The following PDLIM5 variants were observed in gnomAD, a reference collection of about 807,000 sequenced individuals.
PDLIM5 encodes PDZ and LIM domain 5.
PDLIM5 carries 34 observed loss-of-function variants against 64.2 expected under a neutral mutation model. The ratio of observed to expected loss-of-function variants is 0.53; its 90% CI spans 0.40 to 0.71. The LOEUF is 0.71. Among genes scored for constraint, PDLIM5 ranks in the 30% least tolerant of loss-of-function variants. The pLI is 0.00. For missense variants in PDLIM5, 683 were observed against 733.6 expected (o/e 0.93, Z 0.80); for synonymous variants, 253 against 269.1 (o/e 0.94, Z 0.59).
intron 2 of PDLIM5, among the ~76,000 whole-genome samples, chr4:94,519,912 A>G (rs141030828): frequency 1.5e-4 from 23 of 152,292 alleles, no homozygotes; most frequent in Admixed American, 5.2e-4. Context: ...TCAAGAGAAG[A>G]CTTCTTGTCA....
chr4:94,625,004 T>C (rs116716265), intron 8 of PDLIM5, among the ~76,000 whole-genome samples: 1,660 of 152,346 alleles, frequency 0.011, 33 homozygotes, highest in African/African-American at 0.037. Context: ...TAAGAAGTTA[T>C]TCAGGTAATC....
chr4:94,643,842 A>G (rs1035107306), intron 9 of PDLIM5, among the ~76,000 whole-genome samples: 1 of 152,180 alleles, frequency 6.6e-6, no homozygotes, highest in African/African-American at 2.4e-5. Flanking sequence ...TTACCAAGGA[A>G]AAACATGCAT....
chr4:94,594,663 GT>G (rs1031122897), intron 7 of PDLIM5, among the ~76,000 whole-genome samples: 1 of 151,822 alleles, frequency 6.6e-6, no homozygotes, highest in African/African-American at 2.4e-5. Context: ...GTTAAAAAAT[GT>G]TTTTCTTGAT....
At chr4:94,469,121 G>T (rs532577501) in intron 2 of PDLIM5, among the ~76,000 whole-genome samples, 2 of 152,272 alleles carry the variant, frequency 1.3e-5, no homozygotes, top group Admixed American at 1.3e-4. Context: ...CATTTATTCT[G>T]TATCTTTATT....
intron 11 of PDLIM5, among the ~76,000 whole-genome samples, chr4:94,659,132 T>A (rs1419800248): frequency 1.3e-5 from 2 of 152,168 alleles, no homozygotes; most frequent in African/African-American, 4.8e-5. Context: ...ACTTGGTCTG[T>A]TTTTGTTCTT....
chr4:94,528,541 T>G (rs1730577521), intron 3 of PDLIM5, among the ~76,000 whole-genome samples: 1 of 152,172 alleles, frequency 6.6e-6, no homozygotes, highest in Non-Finnish European at 1.5e-5. Context: ...GATAGCATCT[T>G]GTATAGTAGT....
intron 12 of PDLIM5, among the ~76,000 whole-genome samples, chr4:94,663,518 TA>T (rs1318937899): frequency 6.7e-6 from 1 of 150,186 alleles, no homozygotes; most frequent in African/African-American, 2.4e-5. Context: ...AGGCAGCCCT[TA>T]AAAAAAAAGG....
intron 2 of PDLIM5, among the ~76,000 whole-genome samples, chr4:94,515,249 T>C (rs1238549572): frequency 6.6e-6 from 1 of 152,214 alleles, no homozygotes; most frequent in Non-Finnish European, 1.5e-5. Flanking sequence ...CCTTGCCTCT[T>C]CTTTAATATC....
chr4:94,609,125 T>A (rs1190731288), intron 7 of PDLIM5, among the ~76,000 whole-genome samples: 1 of 152,158 alleles, frequency 6.6e-6, no homozygotes, highest in Admixed American at 6.5e-5. Context: ...AAGAGACTTA[T>A]GTCAACCCTC....
intron 3 of PDLIM5, among the ~76,000 whole-genome samples, chr4:94,546,131 C>T (rs1205590185): frequency 1.3e-5 from 2 of 152,098 alleles, no homozygotes; most frequent in Non-Finnish European, 2.9e-5. Context: ...TTTGTTTTGA[C>T]CATTTATGAT....
intron 7 of PDLIM5, chr4:94,588,302 G>A (rs1046839227): frequency 1.3e-4 from 50 of 382,214 alleles, no homozygotes; most frequent in African/African-American, 8.3e-4. Flanking sequence ...GGTGGCTCAC[G>A]CCTGTAATCC....
chr4:94,596,620 C>G (rs1044362808), intron 7 of PDLIM5, among the ~76,000 whole-genome samples: 5 of 151,700 alleles, frequency 3.3e-5, no homozygotes, highest in African/African-American at 9.7e-5. Flanking sequence ...TCATGGAAGG[C>G]TTAATTTCTA....
At chr4:94,535,196 T>G (rs894921542) in intron 3 of PDLIM5, among the ~76,000 whole-genome samples, 3 of 152,002 alleles carry the variant, frequency 2.0e-5, no homozygotes, top group African/African-American at 7.3e-5. Flanking sequence ...ATTAGAGAAG[T>G]GAGAACTGAG....
At chr4:94,582,666 GTCTTCTC>G in intron 5 of PDLIM5, 1 of 1,302,612 alleles carries the variant, frequency 7.7e-7, no homozygotes, top group Non-Finnish European at 1.1e-6. Context: ...GAACATCAAT[GTCTTCTC>G]TACTCTATCG....
At chr4:94,632,795 G>C (rs978454868) in intron 8 of PDLIM5, among the ~76,000 whole-genome samples, 5 of 152,166 alleles carry the variant, frequency 3.3e-5, no homozygotes, top group Admixed American at 2.0e-4. Context: ...ATGCTTGCTG[G>C]CTTTGAAGAG....
Position 94,453,046 on chromosome 4 carries a change from C to G in PDLIM5, c.-43+1051C>G, listed in dbSNP as rs60231102. Reference sequence around the variant, plus strand: ...GTTCATCTTGAGTTCTCCTTTCTCCCCTCTCACCCACTAATGAAGCTGAGA... The same window carrying G: ...GTTCATCTTGAGTTCTCCTTTCTCCGCTCTCACCCACTAATGAAGCTGAGA... On this transcript the variant is annotated intron_variant, in intron 1 of 12. Coordinates refer to ENST00000317968, the MANE Select transcript of PDLIM5 (RefSeq NM_006457.5). Among the ~76,000 whole-genome samples the G allele has an allele frequency of 4.9e-3, 745 of 152,172 alleles. 12 individuals are homozygous for G. Among genetic ancestry groups the G allele is most frequent in the African/African-American group, 0.016 (663 of 41,524 alleles).
At chr4:94,541,470 G>C (rs553863506) in intron 3 of PDLIM5, among the ~76,000 whole-genome samples, 2 of 152,296 alleles carry the variant, frequency 1.3e-5, no homozygotes, top group South Asian at 4.1e-4. Context: ...AAATGAAGCT[G>C]ATAAGCATAA....
chr4:94,462,493 A>T (rs1167511882), intron 2 of PDLIM5, among the ~76,000 whole-genome samples: 1 of 151,762 alleles, frequency 6.6e-6, no homozygotes, highest in Non-Finnish European at 1.5e-5. Flanking sequence ...CTATTGATAG[A>T]CAATTAGATT....
chr4:94,614,345 G>A (rs1738606552), intron 7 of PDLIM5, among the ~76,000 whole-genome samples: 4 of 152,064 alleles, frequency 2.6e-5, no homozygotes, highest in Admixed American at 2.6e-4. Context: ...GAACTCCTGG[G>A]CTCAAGCAGT....
Sources: allele counts gnomAD v4.1 joint callset (sites outside exome capture counted in the v4.1 genomes callset), GRCh38; gene constraint gnomAD v4.1.1; transcripts MANE v1.5; gene names NCBI Gene and HGNC (gene_info 2026-07-23, HGNC 2026-07-21).